Variants in HS3ST3A1 observed in about 807,000 individuals in gnomAD.
HS3ST3A1 encodes the protein heparan sulfate-glucosamine 3-sulfotransferase 3A1.
Under a neutral mutation model 25.7 loss-of-function variants are expected in HS3ST3A1, and 19 were observed. That is an observed-to-expected ratio of 0.74 (90% CI 0.52 to 1.08). The LOEUF is 1.08. Ranked by LOEUF, HS3ST3A1 falls within the 50% of genes least tolerant of loss-of-function variation. HS3ST3A1 has a pLI of 0.00. For synonymous variants in HS3ST3A1, 226 were observed against 278.6 expected (o/e 0.81, Z 1.88); for missense variants, 459 against 594.3 (o/e 0.77, Z 2.37).
chr17:13,506,876 C>T (rs1394017766), intron 1 of HS3ST3A1, among the ~76,000 whole-genome samples: 1 of 148,270 alleles, frequency 6.7e-6, no homozygotes, highest in Non-Finnish European at 1.5e-5. Flanking sequence ...GGGCAACATG[C>T]TGTAACCCTG....
intron 1 of HS3ST3A1, among the ~76,000 whole-genome samples, chr17:13,508,737 G>A (rs1184975263): frequency 6.6e-6 from 1 of 152,110 alleles, no homozygotes; most frequent in African/African-American, 2.4e-5. Context: ...TCCTATCAAA[G>A]TATCAAATAA....
intron 1 of HS3ST3A1, among the ~76,000 whole-genome samples, chr17:13,592,113 CCAGAGACCATCA>C (rs1195856624): frequency 3.3e-5 from 5 of 152,156 alleles, no homozygotes. Flanking sequence ...GGCAGTTCTG[CCAGAGACCATCA>C]CAGAGACCAT....
intron 1 of HS3ST3A1, among the ~76,000 whole-genome samples, chr17:13,498,833 G>A (rs952435656): frequency 2.0e-5 from 3 of 152,008 alleles, no homozygotes; most frequent in African/African-American, 4.8e-5. Context: ...AGTAATAAAC[G>A]TGTATGCCTT....
At chr17:13,586,448 C>G (rs1432370325) in intron 1 of HS3ST3A1, among the ~76,000 whole-genome samples, 5 of 151,780 alleles carry the variant, frequency 3.3e-5, no homozygotes, top group African/African-American at 1.2e-4. Flanking sequence ...GCCTTCAATG[C>G]CCCCTCCTCT....
chr17:13,518,593 ATACT>A (rs1179620038), intron 1 of HS3ST3A1, among the ~76,000 whole-genome samples: 1 of 152,042 alleles, frequency 6.6e-6, no homozygotes, highest in African/African-American at 2.4e-5. Flanking sequence ...CCATTTCTTG[ATACT>A]TAGTTTATCC....
chr17:13,560,886 T>A (rs888441895), intron 1 of HS3ST3A1, among the ~76,000 whole-genome samples: 1 of 152,124 alleles, frequency 6.6e-6, no homozygotes, highest in African/African-American at 2.4e-5. Flanking sequence ...GAAGGAAGGT[T>A]GGTAAAATTC....
intron 1 of HS3ST3A1, among the ~76,000 whole-genome samples, chr17:13,518,732 A>G (rs1206108157): frequency 6.6e-6 from 1 of 152,224 alleles, no homozygotes; most frequent in East Asian, 1.9e-4. Context: ...GATGGAACAA[A>G]GTCAAGGTAC....
chr17:13,596,393 G>A (rs1043748595), intron 1 of HS3ST3A1, among the ~76,000 whole-genome samples: 3 of 139,376 alleles, frequency 2.2e-5, no homozygotes, highest in South Asian at 2.6e-4. Context: ...GTCTGCTCCC[G>A]CATGTGTGAG....
intron 1 of HS3ST3A1, among the ~76,000 whole-genome samples, chr17:13,532,906 TACAC>T (rs372721576): frequency 8.9e-5 from 13 of 146,636 alleles, no homozygotes; most frequent in East Asian, 6.2e-4. Context: ...TATGTTTATA[TACAC>T]ACACACACAC....
At chr17:13,563,954 T>G (rs1309080825) in intron 1 of HS3ST3A1, among the ~76,000 whole-genome samples, 1 of 152,180 alleles carries the variant, frequency 6.6e-6, no homozygotes, top group Admixed American at 6.5e-5. Flanking sequence ...AATTTCTTAT[T>G]AATTATTATT....
chr17:13,550,857 C>T (rs887630331), intron 1 of HS3ST3A1, among the ~76,000 whole-genome samples: 3 of 151,954 alleles, frequency 2.0e-5, no homozygotes, highest in African/African-American at 7.3e-5. Flanking sequence ...TCTCGATGTC[C>T]GAAGATCGAG....
At chr17:13,520,326 A>G (rs1019321132) in intron 1 of HS3ST3A1, among the ~76,000 whole-genome samples, 10 of 152,262 alleles carry the variant, frequency 6.6e-5, no homozygotes, top group Non-Finnish European at 1.5e-4. Context: ...AATTTAGGAC[A>G]GTTTCACTAT....
intron 1 of HS3ST3A1, among the ~76,000 whole-genome samples, chr17:13,574,315 A>G (rs972008335): frequency 6.6e-6 from 1 of 151,470 alleles, no homozygotes; most frequent in African/African-American, 2.4e-5. Flanking sequence ...TTGTGTTTTT[A>G]GTAGAGACGG....
chr17:13,531,142 G>C (rs993126978), intron 1 of HS3ST3A1, among the ~76,000 whole-genome samples: 1 of 152,224 alleles, frequency 6.6e-6, no homozygotes, highest in African/African-American at 2.4e-5. Flanking sequence ...AAAGATGGCT[G>C]TGCAATTTTA....
intron 1 of HS3ST3A1, among the ~76,000 whole-genome samples, chr17:13,582,335 C>A (rs548474527): frequency 4.6e-5 from 7 of 152,256 alleles, no homozygotes; most frequent in African/African-American, 1.7e-4. Flanking sequence ...AAGTCATATG[C>A]CCAAATCAAT....
At chr17:13,586,860 A>G (rs1908283871) in intron 1 of HS3ST3A1, among the ~76,000 whole-genome samples, 1 of 65,078 alleles carries the variant, frequency 1.5e-5, no homozygotes, top group Non-Finnish European at 2.8e-5. Context: ...ACAGAGAGAG[A>G]CTCTGTCTCA....
At chr17:13,595,204 C>A (rs1278243799) in intron 1 of HS3ST3A1, among the ~76,000 whole-genome samples, 1 of 152,118 alleles carries the variant, frequency 6.6e-6, no homozygotes, top group African/African-American at 2.4e-5. Context: ...AGAATCATGA[C>A]CACATAGTAA....
chr17:13,522,548 G>A (rs545618658), intron 1 of HS3ST3A1, among the ~76,000 whole-genome samples: 1 of 152,092 alleles, frequency 6.6e-6, no homozygotes, highest in Non-Finnish European at 1.5e-5. Flanking sequence ...GAAGGAAATA[G>A]CAAAATATGT....
chr17:13,559,004 A>G (rs1291299810), intron 1 of HS3ST3A1, among the ~76,000 whole-genome samples: 1 of 152,222 alleles, frequency 6.6e-6, no homozygotes, highest in Non-Finnish European at 1.5e-5. Context: ...TGTGGCCTTC[A>G]GTAAGTTACA....
Sources: gnomAD v4.1 joint callset for allele counts (sites outside exome capture counted in the v4.1 genomes callset) on GRCh38, gnomAD v4.1.1 for gene constraint, MANE v1.5 for transcripts, NCBI Gene and HGNC (gene_info 2026-07-23, HGNC 2026-07-21) for gene names.